The following GABRR2 variants were observed in gnomAD, a reference collection of about 807,000 sequenced individuals.
GABRR2 encodes gamma-aminobutyric acid type A receptor subunit rho2.
In GABRR2, 36 loss-of-function variants were observed where a neutral mutation model predicts 47.0. The observed-to-expected ratio is 0.77, with a 90% confidence interval of 0.59 to 1.01. The LOEUF (loss-of-function observed/expected upper bound fraction) is 1.01, where lower values mean the gene tolerates loss of function less well. GABRR2 is among the 50% of genes least tolerant of loss of function. The probability of loss-of-function intolerance (pLI) is 0.00; values close to 1 mark genes in which losing one functional copy is unlikely to be tolerated. For missense variants in GABRR2, 587 were observed against 594.6 expected (o/e 0.99, Z 0.13); for synonymous variants, 204 against 227.5 (o/e 0.90, Z 0.93).
intron 1 of GABRR2, among the ~76,000 whole-genome samples, chr6:89,307,318 T>G (rs1767585564): frequency 6.6e-6 from 1 of 152,226 alleles, no homozygotes; most frequent in Admixed American, 6.5e-5. Flanking sequence ...CTTAGCATTT[T>G]TAGATCTTGG....
intron 1 of GABRR2, among the ~76,000 whole-genome samples, chr6:89,312,750 T>G (rs763001009): frequency 6.6e-5 from 10 of 152,252 alleles, no homozygotes; most frequent in Non-Finnish European, 1.0e-4. Flanking sequence ...TGACTGTGTG[T>G]GCATTCTCAT....
At chr6:89,283,613 G>A (rs1004323468) in intron 2 of GABRR2, among the ~76,000 whole-genome samples, 2 of 152,126 alleles carry the variant, frequency 1.3e-5, no homozygotes, top group African/African-American at 4.8e-5. Flanking sequence ...GGGGTGGGGA[G>A]GATATATATG....
intron 1 of GABRR2, chr6:89,301,701 ACAC>A (rs1767442924): frequency 4.9e-6 from 3 of 607,442 alleles, no homozygotes; most frequent in South Asian, 1.7e-5. Flanking sequence ...AATTGCAAAA[ACAC>A]CACTCAAAGA....
At chr6:89,282,598 A>T (rs1165718761) in intron 2 of GABRR2, among the ~76,000 whole-genome samples, 2 of 152,244 alleles carry the variant, frequency 1.3e-5, no homozygotes, top group African/African-American at 4.8e-5. Flanking sequence ...AGTCGGAAGC[A>T]AAATATATAG....
intron 2 of GABRR2, among the ~76,000 whole-genome samples, chr6:89,292,764 ATATATCG>A (rs1774479890): frequency 9.6e-4 from 36 of 37,624 alleles, no homozygotes; most frequent in African/African-American, 5.3e-3. Flanking sequence ...CGTATATACG[ATATATCG>A]TATATATCGT....
chr6:89,302,374 T>G (rs1767463491), intron 1 of GABRR2: 1 of 567,374 alleles, frequency 1.8e-6, no homozygotes, highest in South Asian at 1.4e-5. Flanking sequence ...TGAGACCTAC[T>G]GCATCAACAA....
intron 4 of GABRR2, among the ~76,000 whole-genome samples, chr6:89,268,741 A>G (rs1773973131): frequency 6.6e-6 from 1 of 151,884 alleles, no homozygotes; most frequent in Non-Finnish European, 1.5e-5. Context: ...ACATGCTCTC[A>G]GGGAACAGAA....
intron 8 of GABRR2, among the ~76,000 whole-genome samples, chr6:89,259,822 A>G (rs966102128): frequency 2.6e-5 from 4 of 151,720 alleles, no homozygotes; most frequent in Non-Finnish European, 5.9e-5. Context: ...TTGAATAATT[A>G]TCATAGACTC....
chr6:89,258,064 T>C (rs1773649396), intron 8 of GABRR2, 83 bp from the exon 9 acceptor site: 1 of 1,280,438 alleles, frequency 7.8e-7, no homozygotes, highest in Non-Finnish European at 1.1e-6. Context: ...CAAAGCCACA[T>C]TGCTACTCAG....
chr6:89,304,597 G>GAAAAAAAAAAA (rs1227062781), intron 1 of GABRR2, among the ~76,000 whole-genome samples: 5 of 94,658 alleles, frequency 5.3e-5, no homozygotes, highest in Admixed American at 1.1e-4. Context: ...TCAAAAAAAA[G>GAAAAAAAAAAA]AAAAAAAAAA....
chr6:89,275,039 T>C (rs944181836), intron 2 of GABRR2, among the ~76,000 whole-genome samples: 1 of 152,144 alleles, frequency 6.6e-6, no homozygotes, highest in Non-Finnish European at 1.5e-5. Flanking sequence ...GGTTCCTAAC[T>C]TTCCGCTTTA....
Position 89,278,365 on chromosome 6 carries a change from G to T in GABRR2, c.221-6643C>A, listed in dbSNP as rs79043593. On this transcript the variant is annotated intron_variant, in intron 2 of 8. Coordinates refer to ENST00000402938, the MANE Select transcript of GABRR2 (RefSeq NM_002043.5). ...TTGATCTGAATGATGGTTCACCTGG[G>T]TGTTTATTTTAAGCTATTTCACTGT... Among the ~76,000 whole-genome samples, 11 of 152,304 alleles carry T rather than the reference G, an allele frequency of 7.2e-5. No homozygotes were observed. In the East Asian group the frequency reaches 2.1e-3, roughly 29 times the overall value.
intron 3 of GABRR2, among the ~76,000 whole-genome samples, chr6:89,270,849 C>A (rs1047374197): frequency 6.6e-6 from 1 of 152,114 alleles, no homozygotes; most frequent in Non-Finnish European, 1.5e-5. Context: ...TGAGTCCCTG[C>A]ATTCATGGAG....
chr6:89,277,870 G>GA (rs1310499297), intron 2 of GABRR2, among the ~76,000 whole-genome samples: 5 of 102,758 alleles, frequency 4.9e-5, no homozygotes, highest in African/African-American at 1.9e-4. Flanking sequence ...GGCGGGGGTG[G>GA]GGGGGGGTGG....
chr6:89,267,538 G>A (rs1227616947), intron 6 of GABRR2, 141 bp downstream of exon 6: 1 of 822,076 alleles, frequency 1.2e-6, no homozygotes, highest in East Asian at 2.6e-5. Flanking sequence ...CTACACTCCA[G>A]CTTGGGAGAC....
chr6:89,280,211 A>AATATATATATATATATATATATATAT (rs35295435), intron 2 of GABRR2, among the ~76,000 whole-genome samples: 2 of 110,382 alleles, frequency 1.8e-5, no homozygotes, highest in African/African-American at 3.7e-5. Flanking sequence ...TCTAAAAACA[A>AATATATATATATATATATATATATAT]ATATATATAT....
chr6:89,294,939 C>T (rs987893949), intron 2 of GABRR2, among the ~76,000 whole-genome samples: 1 of 151,942 alleles, frequency 6.6e-6, no homozygotes, highest in Non-Finnish European at 1.5e-5. Context: ...TGGTTTCCAG[C>T]TTCATCCATG....
rs537156124 is a variant in GABRR2, at chr6:89,296,289, C to T, written c.220+3470G>A. ...TGACAGCACAAGCAGTGGGAATCCCCGTCCTGCGATCATCCCATCTTGCCT... is the reference window on the plus strand; with the variant it reads ...TGACAGCACAAGCAGTGGGAATCCCTGTCCTGCGATCATCCCATCTTGCCT... On this transcript the variant is annotated intron_variant, in intron 2 of 8. Transcript: ENST00000402938. Among the ~76,000 whole-genome samples the T allele has an allele frequency of 2.4e-4, 36 of 152,380 alleles. 1 individual carries two copies. The South Asian group carries it at 6.2e-3, about 26-fold the overall frequency.
chr6:89,298,982 G>A (rs911361138), intron 2 of GABRR2, among the ~76,000 whole-genome samples: 4 of 152,094 alleles, frequency 2.6e-5, no homozygotes, highest in Non-Finnish European at 5.9e-5. Flanking sequence ...GGAAACTGTT[G>A]GCACCTTGAT....
Sources: allele counts gnomAD v4.1 joint callset (sites outside exome capture counted in the v4.1 genomes callset), GRCh38; gene constraint gnomAD v4.1.1; transcripts MANE v1.5; gene names NCBI Gene and HGNC (gene_info 2026-07-23, HGNC 2026-07-21).